The following AP4S1 variants were observed in gnomAD, a reference collection of about 807,000 sequenced individuals.
AP4S1 encodes adaptor related protein complex 4 subunit sigma 1, also known as AP-4 complex subunit sigma-1.
In AP4S1, 23 loss-of-function variants were observed where a neutral mutation model predicts 19.8. That is an observed-to-expected ratio of 1.16 (90% confidence interval 0.84 to 1.65). AP4S1 has a LOEUF of 1.65. Among genes scored for constraint, AP4S1 ranks in the 40% most tolerant of loss-of-function variants. AP4S1 has a pLI of 0.00. For missense variants in AP4S1, 166 were observed against 172.8 expected (o/e 0.96, Z 0.22); for synonymous variants, 46 against 54.1 (o/e 0.85, Z 0.66).
At position 31,025,691 on chromosome 14, in the gene AP4S1, T is replaced by C. The variant is rs990457852; in HGVS notation, c.-168T>C. 1.3e-5 allele frequency: 9 copies of C among 718,274 alleles called. No individual in the cohort carries two copies. The African/African-American group carries it at 1.5e-4, about 12-fold the overall frequency. The allele number at this position is 718,274 out of a possible 1,614,324, so 44.5% of individuals were successfully genotyped here. A position where few individuals can be genotyped will look rare whatever the true frequency, so the allele number is the denominator to read the frequency against. On this transcript the variant is annotated 5_prime_UTR_variant, in exon 1 of 6. Coordinates refer to ENST00000542754, the MANE Select transcript of AP4S1 (RefSeq NM_001128126.3). ...CTGCCCCGAGGAGGCCCGCACCGCG[T>C]AGCCAGTGAAGGTTGGGGAGCAAGC...
chr14:31,041,682 A>T (rs1885119268), intron 1 of AP4S1, among the ~76,000 whole-genome samples: 1 of 152,198 alleles, frequency 6.6e-6, no homozygotes, highest in South Asian at 2.1e-4. Flanking sequence ...GAATCCAAAA[A>T]TTTGACAAAG....
intron 1 of AP4S1, among the ~76,000 whole-genome samples, chr14:31,047,466 C>A (rs974574219): frequency 2.0e-5 from 3 of 150,276 alleles, no homozygotes; most frequent in African/African-American, 7.4e-5. Flanking sequence ...TGACTCACTG[C>A]AAGCTCTGCT....
Position 31,060,776 on chromosome 14 carries a change from C to A in AP4S1, c.-71-5350C>A, listed in dbSNP as rs114792930. ...AAGAACCACTCATTCACCAAAGGTCCTGTTCTTCCATGCAATCTGCTTATT... is the reference window on the plus strand; with the variant it reads ...AAGAACCACTCATTCACCAAAGGTCATGTTCTTCCATGCAATCTGCTTATT... On this transcript the variant is annotated intron_variant, in intron 1 of 5. Coordinates refer to ENST00000542754, the MANE Select transcript of AP4S1 (RefSeq NM_001128126.3). Among the ~76,000 whole-genome samples, 277 of 152,316 alleles carry A rather than the reference C, an allele frequency of 1.8e-3. 2 individuals carry two copies. The highest frequency in any genetic ancestry group is 6.5e-3 in the African/African-American group (269 of 41,576).
chr14:31,027,851 C>G (rs925390895), intron 1 of AP4S1, among the ~76,000 whole-genome samples: 1 of 151,992 alleles, frequency 6.6e-6, no homozygotes, highest in East Asian at 1.9e-4. Flanking sequence ...TAATTAACAA[C>G]ATAAGGAAAT....
At chr14:31,041,172 C>T (rs771972205) in intron 1 of AP4S1, among the ~76,000 whole-genome samples, 7 of 151,594 alleles carry the variant, frequency 4.6e-5, no homozygotes, top group African/African-American at 1.5e-4. Flanking sequence ...GTTTTTGAGA[C>T]GGAGTCTCAC....
At chr14:31,039,542 G>A (rs1040652394) in intron 1 of AP4S1, among the ~76,000 whole-genome samples, 1 of 150,294 alleles carries the variant, frequency 6.7e-6, no homozygotes, top group Non-Finnish European at 1.5e-5. Context: ...ATTTAATTAG[G>A]AAGGTCTTAA....
chr14:31,042,453 A>G (rs1885163704), intron 1 of AP4S1, among the ~76,000 whole-genome samples: 1 of 152,182 alleles, frequency 6.6e-6, no homozygotes, highest in Non-Finnish European at 1.5e-5. Context: ...CTCCTCTACC[A>G]TCAGGGAATT....
rs117569983 is a variant in AP4S1 at position 31,061,446 on chromosome 14, G to C, written c.-71-4680G>C. ...GCCTCTGACTGGTATTCTGACAGCC[G>C]AGCATTTAGCAAACTGACTCTTAAC... On this transcript the variant is annotated intron_variant, in intron 1 of 5. Transcript: ENST00000542754. Among the ~76,000 whole-genome samples, 141 of 152,230 alleles carry C rather than the reference G, an allele frequency of 9.3e-4. No homozygotes were observed. In the East Asian group the frequency reaches 0.017, roughly 19 times the overall value.
At chr14:31,041,818 G>A (rs1196407055) in intron 1 of AP4S1, among the ~76,000 whole-genome samples, 1 of 152,098 alleles carries the variant, frequency 6.6e-6, no homozygotes, top group Non-Finnish European at 1.5e-5. Flanking sequence ...GTCAAAGTAA[G>A]TATTTAATTC....
chr14:31,089,584 C>T (rs10130804), intron 5 of AP4S1, among the ~76,000 whole-genome samples: 32,509 of 152,160 alleles, frequency 0.21, 4,008 homozygotes, highest in Admixed American at 0.28. Context: ...TTAAAATACT[C>T]ATGATGGAAA....
intron 1 of AP4S1, among the ~76,000 whole-genome samples, chr14:31,038,240 A>C (rs1884891545): frequency 6.6e-6 from 1 of 152,232 alleles, no homozygotes; most frequent in Admixed American, 6.5e-5. Flanking sequence ...AGACTTAAGA[A>C]TTTTGGAAGT....
intron 1 of AP4S1, among the ~76,000 whole-genome samples, chr14:31,032,799 G>T (rs990667416): frequency 1.3e-5 from 2 of 152,156 alleles, no homozygotes; most frequent in Admixed American, 6.5e-5. Flanking sequence ...CTCCCAAAGT[G>T]CTGGGATTAC....
rs912151887 is a variant in AP4S1, at chr14:31,026,004, T to C, written c.-72+217T>C. 1 of 1,555,140 alleles carries C rather than the reference T, an allele frequency of 6.4e-7. No homozygotes were observed. Among genetic ancestry groups the C allele is most frequent in the South Asian group, 1.2e-5 (1 of 84,600 alleles). On this transcript the variant is annotated intron_variant, in intron 1 of 5. Transcript: ENST00000542754. The stretch of plus-strand genomic sequence containing the variant: ...CAGTATCCCCGGGATAGTGTACTGC[T>C]GCGGCCGGGACAGCTCGGGGCCTGC...
At chr14:31,051,325 G>A (rs1445999208) in intron 1 of AP4S1, among the ~76,000 whole-genome samples, 1 of 151,920 alleles carries the variant, frequency 6.6e-6, no homozygotes, top group East Asian at 1.9e-4. Flanking sequence ...GCACAGCAGA[G>A]CAGGATGGCA....
chr14:31,054,907 T>C (rs1452157370), intron 1 of AP4S1, among the ~76,000 whole-genome samples: 5 of 134,260 alleles, frequency 3.7e-5, no homozygotes, highest in African/African-American at 1.4e-4. Flanking sequence ...CAGTGACAGG[T>C]CATACTGATA....
At chr14:31,046,317 C>T (rs964954765) in intron 1 of AP4S1, among the ~76,000 whole-genome samples, 1 of 152,082 alleles carries the variant, frequency 6.6e-6, no homozygotes. Context: ...TCCTGGTAGC[C>T]ACTAATCTAC....
intron 4 of AP4S1, among the ~76,000 whole-genome samples, chr14:31,073,579 T>C (rs1053596426): frequency 6.6e-6 from 1 of 151,472 alleles, no homozygotes; most frequent in Non-Finnish European, 1.5e-5. Context: ...CCCTCTGCTT[T>C]CTTTTTTTAT....
intron 1 of AP4S1, among the ~76,000 whole-genome samples, chr14:31,056,947 AC>A (rs1054266320): frequency 3.9e-5 from 6 of 152,026 alleles, no homozygotes; most frequent in African/African-American, 1.4e-4. Context: ...GGTGGTGTGC[AC>A]CTGTAGTCCC....
At chr14:31,080,345 G>A (rs1044776984) in intron 4 of AP4S1, among the ~76,000 whole-genome samples, 1 of 152,156 alleles carries the variant, frequency 6.6e-6, no homozygotes, top group African/African-American at 2.4e-5. Flanking sequence ...TTCTAAAGAT[G>A]AATCGTGCTG....
Sources: allele counts gnomAD v4.1 joint callset (sites outside exome capture counted in the v4.1 genomes callset), GRCh38; gene constraint gnomAD v4.1.1; transcripts MANE v1.5; gene names NCBI Gene and HGNC (gene_info 2026-07-23, HGNC 2026-07-21).